The following CWC27 variants were observed in gnomAD, a reference collection of about 807,000 sequenced individuals.
CWC27 encodes the protein spliceosome-associated protein CWC27 homolog.
Under a neutral mutation model 63.6 loss-of-function variants are expected in CWC27, and 47 were observed. That is an observed-to-expected ratio of 0.74 (90% CI 0.58 to 0.94). The LOEUF (loss-of-function observed/expected upper bound fraction) is 0.94. Among genes scored for constraint, CWC27 ranks in the 40% least tolerant of loss-of-function variants. The pLI, the probability that CWC27 is intolerant of heterozygous loss-of-function variation, is 0.00. For synonymous variants in CWC27, 175 were observed against 179.8 expected (o/e 0.97, Z 0.22); for missense variants, 495 against 554.3 (o/e 0.89, Z 1.07).
At chr5:64,805,179 C>T (rs1018839626) in intron 10 of CWC27, among the ~76,000 whole-genome samples, 3 of 151,722 alleles carry the variant, frequency 2.0e-5, no homozygotes, top group Admixed American at 1.3e-4. Flanking sequence ...TCCACGCTAT[C>T]ATTGCATAGC....
In CWC27 at chr5:64,783,932, C is replaced by T. The variant is rs775930568; in HGVS notation, c.349C>T (p.Leu117=). ...HDNGSQFFFT[L]GRADELNNKH... is the part of the protein sequence containing the mutation. ...TAATGGCAGCCAGTTTTTCTTCACA[C>T]TGGGTCGAGCAGATGAACTTAACAA... is the stretch of plus-strand genomic sequence containing the variant. Residue 117 remains leucine (L), a synonymous_variant, in exon 4 of 14, where the codon CTG becomes TTG. Transcript: ENST00000381070. 4 of 1,606,490 alleles carry T rather than the reference C, an allele frequency of 2.5e-6. No homozygotes were observed. Among genetic ancestry groups the T allele is most frequent in the East Asian group, 2.3e-5 (1 of 44,176 alleles).
intron 3 of CWC27, among the ~76,000 whole-genome samples, chr5:64,782,650 G>A (rs1001262789): frequency 6.6e-6 from 1 of 152,050 alleles, no homozygotes; most frequent in Non-Finnish European, 1.5e-5. Context: ...CCAATATCAT[G>A]TTCTTTGAAT....
intron 11 of CWC27, among the ~76,000 whole-genome samples, chr5:64,958,080 G>T (rs1259347183): frequency 3.3e-5 from 5 of 151,940 alleles, no homozygotes; most frequent in South Asian, 2.1e-4. Context: ...ATAGGAGTAG[G>T]GCTTTAAAAC....
intron 10 of CWC27, among the ~76,000 whole-genome samples, chr5:64,823,550 C>G (rs1270897157): frequency 6.6e-6 from 1 of 152,154 alleles, no homozygotes; most frequent in African/African-American, 2.4e-5. Context: ...CTCCTACATC[C>G]CTCTGTTGGA....
chr5:64,929,371 G>A (rs1008742471), intron 11 of CWC27, among the ~76,000 whole-genome samples: 1 of 152,072 alleles, frequency 6.6e-6, no homozygotes, highest in Non-Finnish European at 1.5e-5. Flanking sequence ...AAGAAAGGGG[G>A]GTGGGGAGAG....
chr5:64,934,946 G>A (rs1354054511), intron 11 of CWC27, among the ~76,000 whole-genome samples: 3 of 151,984 alleles, frequency 2.0e-5, no homozygotes. Flanking sequence ...TTTTTGATGA[G>A]GTCATTTGGT....
chr5:64,968,939 G>C (rs1384096190), intron 11 of CWC27, among the ~76,000 whole-genome samples: 1 of 152,078 alleles, frequency 6.6e-6, no homozygotes, highest in Non-Finnish European at 1.5e-5. Context: ...AGGCCATTTA[G>C]TATTATAAAC....
chr5:64,959,867 A>C (rs1218629365), intron 11 of CWC27, among the ~76,000 whole-genome samples: 6 of 152,232 alleles, frequency 3.9e-5, no homozygotes, highest in Non-Finnish European at 7.3e-5. Flanking sequence ...ATGCTAGGCC[A>C]CAGTTCTTGC....
At chr5:65,005,519 C>T (rs1040691018) in intron 13 of CWC27, among the ~76,000 whole-genome samples, 1 of 152,002 alleles carries the variant, frequency 6.6e-6, no homozygotes, top group Non-Finnish European at 1.5e-5. Flanking sequence ...CAGGTCAGTC[C>T]CCAGACCCCA....
intron 10 of CWC27, among the ~76,000 whole-genome samples, chr5:64,841,631 T>C (rs1464971477): frequency 6.6e-6 from 1 of 152,210 alleles, no homozygotes; most frequent in Non-Finnish European, 1.5e-5. Flanking sequence ...TTTATATCTT[T>C]GTTACCTCTG....
chr5:64,947,245 A>G (rs150513182), intron 11 of CWC27, among the ~76,000 whole-genome samples: 190 of 152,218 alleles, frequency 1.2e-3, no homozygotes, highest in African/African-American at 4.4e-3. Context: ...CTGTTCCATC[A>G]GATAAAGCTG....
chr5:64,853,200 G>A (rs1189441711), intron 10 of CWC27, among the ~76,000 whole-genome samples: 3 of 152,164 alleles, frequency 2.0e-5, no homozygotes, highest in South Asian at 4.1e-4. Flanking sequence ...GAATAAATCT[G>A]TGATATCAGA....
intron 10 of CWC27, among the ~76,000 whole-genome samples, chr5:64,819,123 C>T (rs62369296): frequency 0.15 from 22,127 of 151,998 alleles, 2,143 homozygotes; most frequent in East Asian, 0.38. Context: ...ATGCTAGGTT[C>T]GGATGTTTGC....
chr5:64,926,145 A>G (rs971061948), intron 11 of CWC27, among the ~76,000 whole-genome samples: 4 of 152,148 alleles, frequency 2.6e-5, no homozygotes, highest in Non-Finnish European at 5.9e-5. Context: ...TCTGCCTTGT[A>G]TTAATCTTCT....
chr5:64,786,012 A>G (rs965941209), intron 5 of CWC27, among the ~76,000 whole-genome samples: 9 of 151,922 alleles, frequency 5.9e-5, no homozygotes, highest in Admixed American at 5.2e-4. Context: ...AAAATACAAA[A>G]AAAATAGCTG....
intron 10 of CWC27, among the ~76,000 whole-genome samples, chr5:64,815,898 A>T (rs1017054504): frequency 6.6e-6 from 1 of 152,170 alleles, no homozygotes; most frequent in African/African-American, 2.4e-5. Context: ...TCCTTTGGTT[A>T]TAAGGAATAG....
intron 10 of CWC27, among the ~76,000 whole-genome samples, chr5:64,813,795 G>A (rs1187236589): frequency 6.6e-6 from 1 of 152,170 alleles, no homozygotes; most frequent in Non-Finnish European, 1.5e-5. Context: ...AATTAAATTG[G>A]AAAGTATAGT....
rs147777410 is a variant in CWC27, at chr5:64,898,869, A to T, written c.1042+13323A>T. 9.1e-3 allele frequency among the ~76,000 whole-genome samples: 1,388 copies of T among 152,276 alleles called. 18 individuals carry two copies. Among genetic ancestry groups the T allele is most frequent in the African/African-American group, 0.032 (1,332 of 41,558 alleles). ...GCATGATTCAACCCGACCCACCTCC[A>T]TGCCTATATTCCAGCAACGGGGAAG... On this transcript the variant is annotated intron_variant, in intron 11 of 13. Coordinates refer to ENST00000381070, the MANE Select transcript of CWC27 (RefSeq NM_005869.4).
chr5:64,774,354 C>T (rs1209548699), intron 1 of CWC27, among the ~76,000 whole-genome samples: 2 of 152,024 alleles, frequency 1.3e-5, no homozygotes, highest in Admixed American at 6.6e-5. Flanking sequence ...TCTGTGTTGC[C>T]GAAGCTGTTC....
Sources: gnomAD v4.1 joint callset for allele counts (sites outside exome capture counted in the v4.1 genomes callset) on GRCh38, gnomAD v4.1.1 for gene constraint, MANE v1.5 for transcripts, NCBI Gene and HGNC (gene_info 2026-07-23, HGNC 2026-07-21) for gene names.